Variants in KHDRBS2 observed in about 807,000 individuals in gnomAD.
KHDRBS2 encodes the protein KH domain-containing, RNA-binding, signal transduction-associated protein 2.
KHDRBS2 carries 26 observed loss-of-function variants against 44.3 expected under a neutral mutation model. The ratio of observed to expected loss-of-function variants is 0.59; its 90% CI spans 0.43 to 0.81. KHDRBS2 has a LOEUF of 0.81. KHDRBS2 is among the 40% of genes least tolerant of loss of function. The pLI is 0.00. For missense variants in KHDRBS2, 476 were observed against 433.1 expected (o/e 1.10, Z -0.88); for synonymous variants, 194 against 151.1 (o/e 1.28, Z -2.08).
intron 4 of KHDRBS2, among the ~76,000 whole-genome samples, chr6:61,970,615 A>G (rs1308942222): frequency 1.3e-5 from 2 of 152,192 alleles, no homozygotes; most frequent in African/African-American, 4.8e-5. Flanking sequence ...TAAAAGGAAG[A>G]AAGTCATTTG....
chr6:62,147,530 G>A (rs992052658), intron 2 of KHDRBS2, among the ~76,000 whole-genome samples: 9 of 151,412 alleles, frequency 5.9e-5, no homozygotes, highest in African/African-American at 2.2e-4. Context: ...GTAACTTCTC[G>A]GATACCACAT....
chr6:62,018,434 G>A (rs2127277390), intron 3 of KHDRBS2, among the ~76,000 whole-genome samples: 1 of 151,780 alleles, frequency 6.6e-6, no homozygotes, highest in South Asian at 2.1e-4. Flanking sequence ...CGCAAGCTCC[G>A]CCTCCCAGTT....
the KHDRBS2 span, among the ~76,000 whole-genome samples, chr6:61,620,099 G>T: frequency 1.5e-3 from 223 of 151,940 alleles, no homozygotes; most frequent in Middle Eastern, 0.014. Context: ...AAAACTCCAC[G>T]TGTAGTTTTT....
At chr6:62,002,524 CAT>C (rs1045899684) in intron 3 of KHDRBS2, among the ~76,000 whole-genome samples, 3 of 151,338 alleles carry the variant, frequency 2.0e-5, no homozygotes, top group Non-Finnish European at 3.0e-5. Context: ...TTTATACCCA[CAT>C]CTCTCTAAAT....
chr6:62,164,309 T>C (rs1818234683), intron 2 of KHDRBS2, among the ~76,000 whole-genome samples: 1 of 151,932 alleles, frequency 6.6e-6, no homozygotes, highest in Non-Finnish European at 1.5e-5. Context: ...GAGTCATATG[T>C]AAAAACTATA....
intron 1 of KHDRBS2, among the ~76,000 whole-genome samples, chr6:62,184,463 C>A: frequency 6.6e-6 from 1 of 151,160 alleles, no homozygotes; most frequent in African/African-American, 2.4e-5. Context: ...AACGGGAGTT[C>A]AAAGAGCATA....
chr6:61,572,871 AG>A, the KHDRBS2 span, among the ~76,000 whole-genome samples: 2 of 152,174 alleles, frequency 1.3e-5, no homozygotes, highest in African/African-American at 4.8e-5. Flanking sequence ...TACATTAAAC[AG>A]GGAAAACTTG....
chr6:62,048,614 A>G (rs1218509277), intron 2 of KHDRBS2, among the ~76,000 whole-genome samples: 1 of 151,944 alleles, frequency 6.6e-6, no homozygotes, highest in Non-Finnish European at 1.5e-5. Context: ...ATGAGCACAT[A>G]AAAGTTAAAA....
intron 8 of KHDRBS2, among the ~76,000 whole-genome samples, chr6:61,684,141 T>G (rs1389659415): frequency 3.9e-5 from 6 of 151,960 alleles, no homozygotes; most frequent in Non-Finnish European, 7.4e-5. Flanking sequence ...ACGTCAGTTT[T>G]TCTTAGTGAA....
the KHDRBS2 span, among the ~76,000 whole-genome samples, chr6:61,568,454 A>G: frequency 6.6e-6 from 1 of 152,196 alleles, no homozygotes; most frequent in South Asian, 2.1e-4. Flanking sequence ...GATGAACAGA[A>G]CAGCATGTGG....
chr6:61,611,095 T>C, the KHDRBS2 span, among the ~76,000 whole-genome samples: 1 of 152,204 alleles, frequency 6.6e-6, no homozygotes, highest in Non-Finnish European at 1.5e-5. Context: ...GTGGGTTACT[T>C]ATGACACTTT....
In KHDRBS2 at chr6:62,170,726, C is replaced by T. The variant is rs527406872; in HGVS notation, c.219+6459G>A. On this transcript the variant is annotated intron_variant, in intron 2 of 8. Coordinates refer to ENST00000281156, the MANE Select transcript of KHDRBS2 (RefSeq NM_152688.4). Reference sequence around the variant, plus strand: ...ACTCCCCATCAAACAGTTGTGGCCACAAACCAGGATCACGTTATCCTCCCC... The same window carrying T: ...ACTCCCCATCAAACAGTTGTGGCCATAAACCAGGATCACGTTATCCTCCCC... 9.2e-5 allele frequency among the ~76,000 whole-genome samples: 14 copies of T among 152,130 alleles called. No individual in the cohort carries two copies. In the South Asian group the frequency reaches 2.5e-3, roughly 27 times the overall value.
intron 2 of KHDRBS2, among the ~76,000 whole-genome samples, chr6:62,116,890 T>TC (rs1175761122): frequency 6.6e-6 from 1 of 152,208 alleles, no homozygotes; most frequent in Non-Finnish European, 1.5e-5. Context: ...CTGGCTTTTT[T>TC]CACTTAATAT....
the KHDRBS2 span, among the ~76,000 whole-genome samples, chr6:61,637,423 C>A: frequency 6.6e-6 from 1 of 152,070 alleles, no homozygotes; most frequent in African/African-American, 2.4e-5. Flanking sequence ...TTTCTTAATC[C>A]AGTCTATCAT....
the KHDRBS2 span, among the ~76,000 whole-genome samples, chr6:61,621,654 CTAAAG>C: frequency 2.6e-5 from 4 of 152,194 alleles, no homozygotes; most frequent in African/African-American, 9.7e-5. Flanking sequence ...TGAACACACT[CTAAAG>C]TAACCCCCAA....
chr6:62,218,878 G>A (rs1313408781), intron 1 of KHDRBS2, among the ~76,000 whole-genome samples: 1 of 151,744 alleles, frequency 6.6e-6, no homozygotes, highest in Non-Finnish European at 1.5e-5. Flanking sequence ...AACATAAATG[G>A]AATTGGATGC....
At chr6:61,996,099 T>C (rs1339428306) in intron 3 of KHDRBS2, among the ~76,000 whole-genome samples, 1 of 152,182 alleles carries the variant, frequency 6.6e-6, no homozygotes, top group Non-Finnish European at 1.5e-5. Context: ...CTATGTGAAC[T>C]GTCCTTCGAA....
At chr6:61,564,555 A>G in the KHDRBS2 span, among the ~76,000 whole-genome samples, 10 of 152,070 alleles carry the variant, frequency 6.6e-5, no homozygotes, top group Non-Finnish European at 1.5e-4. Context: ...GTGATCTGGT[A>G]TCTTCCAAAG....
At chr6:61,817,000 T>C in intron 6 of KHDRBS2, 1 of 455,820 alleles carries the variant, frequency 2.2e-6, no homozygotes, top group Non-Finnish European at 4.4e-6. Flanking sequence ...AAAGTGGTAA[T>C]GATGGCTGAA....
Sources: gnomAD v4.1 joint callset for allele counts (sites outside exome capture counted in the v4.1 genomes callset) on GRCh38, gnomAD v4.1.1 for gene constraint, MANE v1.5 for transcripts, NCBI Gene and HGNC (gene_info 2026-07-23, HGNC 2026-07-21) for gene names.